COL4A4: variants seen among roughly 807,000 people sequenced by gnomAD.
COL4A4 encodes the protein collagen type IV alpha 4 chain.
Under a neutral mutation model 192.9 loss-of-function variants are expected in COL4A4, and 105 were observed. That is an observed-to-expected ratio of 0.54 (90% CI 0.46 to 0.64). The LOEUF is 0.64. Among genes scored for constraint, COL4A4 ranks in the 30% least tolerant of loss-of-function variants. The pLI is 0.00. For missense variants in COL4A4, 1,967 were observed against 2,169.3 expected (o/e 0.91, Z 1.85); for synonymous variants, 762 against 769.9 (o/e 0.99, Z 0.17).
At chr2:227,111,892 G>A (rs1256052244) in intron 8 of COL4A4, among the ~76,000 whole-genome samples, 179 bp from the exon 9 acceptor site, 2 of 152,168 alleles carry the variant, frequency 1.3e-5, no homozygotes, top group Non-Finnish European at 2.9e-5. Flanking sequence ...TTCTCCTTAA[G>A]CTCTGAATTC....
chr2:227,031,774 C>T (rs1473902037), intron 40 of COL4A4, among the ~76,000 whole-genome samples, 171 bp downstream of exon 40: 1 of 152,102 alleles, frequency 6.6e-6, no homozygotes, highest in Non-Finnish European at 1.5e-5. Flanking sequence ...TCCTGAGAGC[C>T]CACCACTACC....
intron 27 of COL4A4, 35 bp downstream of exon 27, chr2:227,060,101 G>GAGAAAAAAAA (rs1976528096): frequency 2.5e-6 from 1 of 399,128 alleles, no homozygotes; most frequent in Non-Finnish European, 4.0e-6. Context: ...TCCCAAAGCA[G>GAGAAAAAAAA]AAAAAAAAAA....
intron 25 of COL4A4, among the ~76,000 whole-genome samples, chr2:227,076,956 TTAGAG>T (rs567867607): frequency 6.3e-4 from 96 of 152,188 alleles, no homozygotes; most frequent in Non-Finnish European, 1.0e-3. Flanking sequence ...CTCACGGCAG[TTAGAG>T]TAGAGATTAT....
At chr2:227,022,670 G>A (rs553592892) in intron 43 of COL4A4, among the ~76,000 whole-genome samples, 2 of 152,292 alleles carry the variant, frequency 1.3e-5, no homozygotes, top group African/African-American at 2.4e-5. Context: ...GATTGCTAGA[G>A]GCTCAGAAGC....
intron 4 of COL4A4, among the ~76,000 whole-genome samples, chr2:227,138,293 G>T (rs1576797946): frequency 6.6e-6 from 1 of 152,034 alleles, no homozygotes; most frequent in South Asian, 2.1e-4. Flanking sequence ...ACTCCAGTCT[G>T]GGTGACAGAG....
chr2:227,137,829 T>C (rs192377711), intron 4 of COL4A4, among the ~76,000 whole-genome samples: 294 of 152,288 alleles, frequency 1.9e-3, no homozygotes, highest in Middle Eastern at 6.8e-3. Flanking sequence ...AGTCATAAAA[T>C]TTAGAGGCAC....
At chr2:226,976,493 G>A in the COL4A4 span, among the ~76,000 whole-genome samples, 1 of 151,988 alleles carries the variant, frequency 6.6e-6, no homozygotes, top group Non-Finnish European at 1.5e-5. Flanking sequence ...ACCCTCCCCT[G>A]CCTTTTCCTC....
chr2:227,109,127 G>T (rs778935355), intron 10 of COL4A4, 97 bp downstream of exon 10: 10 of 1,137,888 alleles, frequency 8.8e-6, no homozygotes, highest in African/African-American at 1.5e-5. Context: ...TCTCTCAAAC[G>T]GCCCACCTGT....
At chr2:227,096,775 C>T (rs574229876) in intron 19 of COL4A4, among the ~76,000 whole-genome samples, 2 of 152,234 alleles carry the variant, frequency 1.3e-5, no homozygotes, top group African/African-American at 4.8e-5. Context: ...AGTGCAAATG[C>T]ATTAAGTATT....
chr2:227,139,539 G>T (rs867211043), intron 4 of COL4A4, among the ~76,000 whole-genome samples: 20 of 152,282 alleles, frequency 1.3e-4, no homozygotes, highest in African/African-American at 4.6e-4. Context: ...ATCTAGCGTG[G>T]TCATCAACGC....
At chr2:227,082,663 G>C (rs537615121) in intron 22 of COL4A4, among the ~76,000 whole-genome samples, 6 of 152,252 alleles carry the variant, frequency 3.9e-5, no homozygotes, top group East Asian at 1.9e-4. Context: ...ATAACTACAA[G>C]AGCTGCCACC....
intron 35 of COL4A4, 103 bp downstream of exon 35, chr2:227,047,372 G>A: frequency 1.2e-6 from 1 of 822,670 alleles, no homozygotes; most frequent in Non-Finnish European, 2.1e-6. Context: ...TGCACAAAGG[G>A]GTAAGAAAAT....
In COL4A4 at chr2:227,148,864, G is replaced by A. The variant is rs539367007; in HGVS notation, c.-101-1280C>T. Among the ~76,000 whole-genome samples the A allele has an allele frequency of 1.5e-4, 22 of 149,712 alleles. No individual in the cohort carries two copies. In the East Asian group the frequency reaches 3.9e-3, roughly 26 times the overall value. ...ACTTTTTTTTTTTTTTTTCTGAGAC[G>A]GGGTTTTGCTCTTATGGCCCAGGCT... On this transcript the variant is annotated intron_variant, in intron 1 of 47. Transcript: ENST00000396625.
At position 227,020,017 on chromosome 2, in the gene COL4A4, T is replaced by G. The variant is rs563523436; in HGVS notation, c.4216+2031A>C. On this transcript the variant is annotated intron_variant, in intron 44 of 47. Transcript: ENST00000396625. ...TGTAATAATCTACCATTACTTTAAG[T>G]TATTTATATTCTGCTGGCTATTTCT... Among the ~76,000 whole-genome samples, 12 of 152,330 alleles carry G rather than the reference T, an allele frequency of 7.9e-5. No individual in the cohort carries two copies. In the South Asian group the frequency reaches 2.5e-3, roughly 32 times the overall value.
intron 2 of COL4A4, among the ~76,000 whole-genome samples, chr2:227,145,595 G>A (rs2063498116): frequency 6.6e-6 from 1 of 152,208 alleles, no homozygotes; most frequent in Non-Finnish European, 1.5e-5. Context: ...AGGATGGTAG[G>A]AGAACTGGGG....
the COL4A4 span, among the ~76,000 whole-genome samples, chr2:226,974,532 C>T: frequency 1.3e-5 from 2 of 152,290 alleles, no homozygotes; most frequent in East Asian, 1.9e-4. Context: ...CCACCGTGCC[C>T]GGCCTGGGTG....
chr2:227,034,925 C>T (rs919767103), intron 37 of COL4A4, among the ~76,000 whole-genome samples: 4 of 151,718 alleles, frequency 2.6e-5, no homozygotes, highest in Admixed American at 1.3e-4. Flanking sequence ...CATAGTATTC[C>T]ATGGTGTATA....
chr2:226,990,493 C>T, the COL4A4 span, among the ~76,000 whole-genome samples: 10 of 152,286 alleles, frequency 6.6e-5, 1 homozygote, highest in Admixed American at 1.3e-4. Flanking sequence ...TGGCATAGTG[C>T]GTTCATCAGA....
rs141332213 is a variant in COL4A4, at chr2:227,021,356, C to T, written c.4216+692G>A. Among the ~76,000 whole-genome samples the T allele has an allele frequency of 2.6e-5, 4 of 152,260 alleles. No individual in the cohort carries two copies. In the East Asian group the frequency reaches 7.7e-4, roughly 29 times the overall value. On this transcript the variant is annotated intron_variant, in intron 44 of 47. Transcript: ENST00000396625. ...TCTAACAGCTCCTACTTCCTTCTTG[C>T]AGGCTCTGTTTCCGCTCCACCAAGC...
Sources: allele counts gnomAD v4.1 joint callset (sites outside exome capture counted in the v4.1 genomes callset), GRCh38; gene constraint gnomAD v4.1.1; transcripts MANE v1.5; gene names NCBI Gene and HGNC (gene_info 2026-07-23, HGNC 2026-07-21).